Variants in BNC2 observed in about 807,000 individuals in gnomAD.
BNC2 encodes basonuclin zinc finger protein 2.
A neutral mutation model predicts 76.3 loss-of-function variants in BNC2; 20 were observed. The observed-to-expected ratio is 0.26, with a 90% confidence interval of 0.18 to 0.38. BNC2 has a LOEUF of 0.38. BNC2 is among the 10% of genes least tolerant of loss of function. The probability of loss-of-function intolerance (pLI) is 1.00; values close to 1 mark genes in which losing one functional copy is unlikely to be tolerated. For synonymous variants in BNC2, 582 were observed against 514.8 expected (o/e 1.13, Z -1.77); for missense variants, 1,382 against 1,399.8 (o/e 0.99, Z 0.20).
chr9:16,579,902 TAAA>T (rs1299701307), intron 4 of BNC2: 2 of 391,134 alleles, frequency 5.1e-6, no homozygotes, highest in Non-Finnish European at 9.0e-6. Flanking sequence ...CAGCAGATAT[TAAA>T]AATTTTTTTA....
rs1312315488 is a variant in BNC2 at position 16,415,614 on chromosome 9, C to A, written c.*3375G>T. 1 of 152,140 alleles carries A rather than the reference C, an allele frequency of 6.6e-6. No homozygotes were observed. The highest frequency in any genetic ancestry group is 2.4e-5 in the African/African-American group (1 of 41,424). The allele number at this position is 152,140 out of a possible 1,614,324, so 9.4% of individuals were successfully genotyped here. ...ATGACTAAAACGCTGATCTCTTTATCCTTCCTGTTTGCAAATAAGCCATGG... is the reference window on the plus strand; with the variant it reads ...ATGACTAAAACGCTGATCTCTTTATACTTCCTGTTTGCAAATAAGCCATGG... On this transcript the variant is annotated 3_prime_UTR_variant, in exon 7 of 7. Coordinates refer to ENST00000380672, the MANE Select transcript of BNC2 (RefSeq NM_017637.6).
intron 1 of BNC2, among the ~76,000 whole-genome samples, chr9:16,752,329 C>G (rs982475525): frequency 6.6e-6 from 1 of 152,196 alleles, no homozygotes; most frequent in African/African-American, 2.4e-5. Flanking sequence ...AAGCCTACTG[C>G]TTTAAATACA....
intron 5 of BNC2, among the ~76,000 whole-genome samples, chr9:16,474,319 A>G (rs1821886316): frequency 6.6e-6 from 1 of 152,256 alleles, no homozygotes; most frequent in African/African-American, 2.4e-5. Flanking sequence ...AGCAGAAAGA[A>G]GAACACTTGG....
chr9:16,435,083 T>C (rs1404190182), intron 6 of BNC2: 1 of 471,370 alleles, frequency 2.1e-6, no homozygotes, highest in Non-Finnish European at 4.4e-6. Context: ...GTTCTTTCCA[T>C]CCGTAAATTT....
intron 4 of BNC2, among the ~76,000 whole-genome samples, chr9:16,578,866 T>C (rs73419462): frequency 0.052 from 7,934 of 152,204 alleles, 731 homozygotes; most frequent in African/African-American, 0.18. Flanking sequence ...TTTATAGTAT[T>C]TCAGTGAAGT....
intron 4 of BNC2, among the ~76,000 whole-genome samples, chr9:16,561,192 C>G (rs1052572804): frequency 1.3e-5 from 2 of 151,852 alleles, no homozygotes; most frequent in Admixed American, 1.3e-4. Flanking sequence ...TGAGCCAAGA[C>G]TGCCCTATTG....
rs113672074 is a variant in BNC2, at chr9:16,800,556, A to G, written c.4-62071T>C. On this transcript the variant is annotated intron_variant, in intron 1 of 6. Transcript: ENST00000380672. Reference sequence around the variant, plus strand: ...TTTTGTAATGCGAAGAGGCACTGGAACTCTTTTTTTTTTCTGGCAATTTCA... The same window carrying G: ...TTTTGTAATGCGAAGAGGCACTGGAGCTCTTTTTTTTTTCTGGCAATTTCA... 3.0e-4 allele frequency among the ~76,000 whole-genome samples: 45 copies of G among 152,008 alleles called. 3 individuals are homozygous for G. The highest frequency in any genetic ancestry group is 1.1e-3 in the African/African-American group (45 of 41,472).
intron 3 of BNC2, among the ~76,000 whole-genome samples, chr9:16,618,109 T>C (rs1820762391): frequency 6.6e-6 from 1 of 152,172 alleles, no homozygotes; most frequent in South Asian, 2.1e-4. Flanking sequence ...ATGCCATCAA[T>C]AATCCCTGAT....
chr9:16,460,105 A>G (rs1821542355), intron 5 of BNC2, among the ~76,000 whole-genome samples: 1 of 152,188 alleles, frequency 6.6e-6, no homozygotes, highest in Admixed American at 6.5e-5. Flanking sequence ...ACAATTATCA[A>G]AGTACCAACT....
chr9:16,485,826 A>G lies in BNC2; in HGVS notation c.670-48302T>C, dbSNP rs531127783. Among the ~76,000 whole-genome samples the G allele has an allele frequency of 2.6e-5, 4 of 152,296 alleles. No homozygotes were observed. In the East Asian group the frequency reaches 7.7e-4, roughly 29 times the overall value. ...CCTGTCTCAAAAAGAAAAGAGAAAA[A>G]GAAAAAAGCATGTTCCAGGCAGTCC... is the stretch of plus-strand genomic sequence containing the variant. On this transcript the variant is annotated intron_variant, in intron 5 of 6. Coordinates refer to ENST00000380672, the MANE Select transcript of BNC2 (RefSeq NM_017637.6).
chr9:16,678,337 G>C (rs1226418423), intron 3 of BNC2, among the ~76,000 whole-genome samples: 2 of 132,116 alleles, frequency 1.5e-5, no homozygotes, highest in Non-Finnish European at 3.1e-5. Flanking sequence ...GGAGTGCAGT[G>C]GTGCAATCTC....
At chr9:16,603,069 C>T (rs961768816) in intron 3 of BNC2, among the ~76,000 whole-genome samples, 15 of 152,124 alleles carry the variant, frequency 9.9e-5, no homozygotes, top group Admixed American at 3.9e-4. Flanking sequence ...TTACATGCTT[C>T]GAAAAGATGC....
At position 16,513,593 on chromosome 9, in the gene BNC2, C is replaced by T. The variant is rs114686717; in HGVS notation, c.669+38937G>A. 9.5e-3 allele frequency among the ~76,000 whole-genome samples: 1,439 copies of T among 152,210 alleles called. 33 individuals are homozygous for T. Among genetic ancestry groups the T allele is most frequent in the African/African-American group, 0.032 (1,327 of 41,542 alleles). On this transcript the variant is annotated intron_variant, in intron 5 of 6. Transcript: ENST00000380672. ...TGCTGGGATCACAGGCATGAGCCAC[C>T]GCGCCAGGCCGAAAAGGTTCTTAAT...
At chr9:16,465,204 G>A (rs192872215) in intron 5 of BNC2, among the ~76,000 whole-genome samples, 67 of 152,182 alleles carry the variant, frequency 4.4e-4, no homozygotes, top group Non-Finnish European at 7.3e-4. Context: ...GAGAGGCTAA[G>A]GCAGGTGGAT....
chr9:16,738,558 C>CT lies in BNC2; in HGVS notation c.4-74dup, dbSNP rs4007684. On this transcript the variant is annotated intron_variant, in intron 1 of 6. Transcript: ENST00000380672. ...CTTAAAAGCATTGAGTACATCAAAA[C>CT]TTTAAGAAATTGCAAATATAACACA... 1.4e-5 allele frequency: 22 copies of CT among 1,553,412 alleles called. No individual in the cohort carries two copies. The South Asian group carries it at 2.6e-4, about 18-fold the overall frequency.
intron 1 of BNC2, among the ~76,000 whole-genome samples, chr9:16,803,864 T>C (rs895248480): frequency 6.6e-6 from 1 of 152,244 alleles, no homozygotes; most frequent in African/African-American, 2.4e-5. Context: ...CGATCTTGCA[T>C]TCGGCTGAGT....
At chr9:16,743,624 A>G (rs1824914277) in intron 1 of BNC2, among the ~76,000 whole-genome samples, 1 of 152,168 alleles carries the variant, frequency 6.6e-6, no homozygotes, top group South Asian at 2.1e-4. Flanking sequence ...GCTGATGCCA[A>G]TGCAAACCAC....
At chr9:16,748,835 C>G (rs375063468) in intron 1 of BNC2, among the ~76,000 whole-genome samples, 79 of 57,842 alleles carry the variant, frequency 1.4e-3, no homozygotes, top group African/African-American at 5.0e-3. Context: ...AGAGCGAAAC[C>G]GTCTCAAAAA....
intron 3 of BNC2, among the ~76,000 whole-genome samples, chr9:16,671,301 A>C (rs185320458): frequency 3.9e-5 from 6 of 152,336 alleles, no homozygotes. Flanking sequence ...ATAATATGTG[A>C]TTGCATCAAA....
Sources: allele counts gnomAD v4.1 joint callset (sites outside exome capture counted in the v4.1 genomes callset), GRCh38; gene constraint gnomAD v4.1.1; transcripts MANE v1.5; gene names NCBI Gene and HGNC (gene_info 2026-07-23, HGNC 2026-07-21).